CPSF4: variants seen among roughly 807,000 people sequenced by gnomAD.
CPSF4 encodes cleavage and polyadenylation specificity factor subunit 4.
Under a neutral mutation model 37.7 loss-of-function variants are expected in CPSF4, and 11 were observed. The observed-to-expected ratio is 0.29, with a 90% CI of 0.18 to 0.48. The LOEUF is 0.48. Among genes scored for constraint, CPSF4 ranks in the 20% least tolerant of loss-of-function variants. The probability of loss-of-function intolerance (pLI) is 0.99; values close to 1 mark genes in which losing one functional copy is unlikely to be tolerated. For synonymous variants in CPSF4, 132 were observed against 135.9 expected (o/e 0.97, Z 0.20); for missense variants, 144 against 359.5 (o/e 0.40, Z 4.85).
rs1009934077 is a variant in CPSF4 at position 99,456,917 on chromosome 7, T to C, written c.*417T>C. The C allele has an allele frequency of 5.7e-5, 20 of 348,278 alleles. No homozygotes were observed. In the East Asian group the frequency reaches 1.4e-3, roughly 24 times the overall value. 21.6% of individuals were successfully genotyped at this position (348,278 alleles called of 1,614,324 possible). A position where few individuals can be genotyped will look rare whatever the true frequency, so the allele number is the denominator to read the frequency against. On this transcript the variant is annotated 3_prime_UTR_variant, in exon 8 of 8. Transcript: ENST00000292476. ...AAAGCTGTGGCCAGCTCACGCCTGC[T>C]TCCTCCCTCCCTGCCCTGCTGAATC...
intron 1 of CPSF4, among the ~76,000 whole-genome samples, chr7:99,439,876 G>A (rs1381078468): frequency 6.6e-6 from 1 of 151,974 alleles, no homozygotes; most frequent in Admixed American, 6.6e-5. Flanking sequence ...TTTTTGGCCC[G>A]TCCCTACTTT....
At chr7:99,439,426 T>TCTTCCCACTCCATCCTGAGACC in intron 1 of CPSF4, 1 of 436,224 alleles carries the variant, frequency 2.3e-6, no homozygotes. Context: ...GTCCCGAGAC[T>TCTTCCCACTCCATCCTGAGACC]CTTCCCACTC....
chr7:99,448,164 T>TGTGTGCAAACACTGGCTGC lies in CPSF4; in HGVS notation c.202_220dup (p.Gly74ValfsTer16). 6.2e-7 allele frequency: 1 copy of TGTGTGCAAACACTGGCTGC among 1,614,172 alleles called. No homozygotes were observed. Among genetic ancestry groups the TGTGTGCAAACACTGGCTGC allele is most frequent in the Non-Finnish European group, 8.5e-7 (1 of 1,180,014 alleles). On this transcript the variant is annotated frameshift_variant, in exon 3 of 8. Transcript: ENST00000292476. LOFTEE classifies it high-confidence loss of function. This position sits in a 1 kb window ranked among gnomAD's most constrained non-coding sequence, Gnocchi z 4.4. ...GCCACATCAGTGGTGAGAAGACAGTTGTGTGCAAACACTGGCTGCGTGGCC... is the reference window on the plus strand; with the variant it reads ...GCCACATCAGTGGTGAGAAGACAGTTGTGTGCAAACACTGGCTGCGTGTGCAAACACTGGCTGCGTGGCC...
chr7:99,441,590 A>G, intron 1 of CPSF4: 1 of 453,298 alleles, frequency 2.2e-6, no homozygotes, highest in East Asian at 7.0e-5. Flanking sequence ...CCCATAAGGC[A>G]TACTCATCCT....
chr7:99,438,991 G>C lies in CPSF4; in HGVS notation c.-92G>C, dbSNP rs1584474630. On this transcript the variant is annotated 5_prime_UTR_variant, in exon 1 of 8. Coordinates refer to ENST00000292476, the MANE Select transcript of CPSF4 (RefSeq NM_006693.4). ...GGCGGCGGCGAGGCGAAGCGAAGGAGGAGTGTGTGCGGCGGGGCCGGCGGC... is the reference window on the plus strand; with the variant it reads ...GGCGGCGGCGAGGCGAAGCGAAGGACGAGTGTGTGCGGCGGGGCCGGCGGC... The C allele has an allele frequency of 1.4e-6, 2 of 1,384,532 alleles. No individual in the cohort carries two copies. Among genetic ancestry groups the C allele is most frequent in the East Asian group, 5.6e-5 (2 of 35,606 alleles). The allele number at this position is 1,384,532 out of a possible 1,614,324, so 85.8% of individuals were successfully genotyped here.
At chr7:99,440,699 C>T (rs1452351134) in intron 1 of CPSF4, among the ~76,000 whole-genome samples, 4 of 96,214 alleles carry the variant, frequency 4.2e-5, no homozygotes, top group Admixed American at 1.1e-4. Context: ...TTTTTCCTGC[C>T]TGTCCCACAA....
At chr7:99,442,650 C>T (rs45492098) in intron 1 of CPSF4, among the ~76,000 whole-genome samples, 7,172 of 102,346 alleles carry the variant, frequency 0.07, 444 homozygotes, top group East Asian at 0.28. Flanking sequence ...AGCGAGACTC[C>T]GTCTCAAAAA....
chr7:99,439,016 C>T lies in CPSF4; in HGVS notation c.-67C>T. 8.3e-6 allele frequency: 12 copies of T among 1,447,930 alleles called. No individual in the cohort carries two copies. The South Asian group carries it at 1.3e-4, about 15-fold the overall frequency. 89.7% of individuals were successfully genotyped at this position (1,447,930 alleles called of 1,614,324 possible). ...GGAGTGTGTGCGGCGGGGCCGGCGGCGGGTAAAGGCGAGAAGGCTGCAGGA... is the reference window on the plus strand; with the variant it reads ...GGAGTGTGTGCGGCGGGGCCGGCGGTGGGTAAAGGCGAGAAGGCTGCAGGA... On this transcript the variant is annotated 5_prime_UTR_variant, in exon 1 of 8. Transcript: ENST00000292476.
intron 1 of CPSF4, among the ~76,000 whole-genome samples, chr7:99,440,355 G>C (rs1796791534): frequency 6.6e-6 from 1 of 151,884 alleles, no homozygotes; most frequent in African/African-American, 2.4e-5. Context: ...TGTTGTTGTT[G>C]TTTGTTTGCT....
intron 1 of CPSF4, among the ~76,000 whole-genome samples, chr7:99,444,273 A>G (rs992166041): frequency 3.9e-5 from 6 of 152,164 alleles, no homozygotes; most frequent in African/African-American, 1.4e-4. Flanking sequence ...CCTGGCCAAC[A>G]TGGTGAAACC....
At position 99,444,979 on chromosome 7, in the gene CPSF4, G is replaced by C. The variant is rs573890533; in HGVS notation, c.154+140G>C. ...GATCTCTGTAGATAAAACTGGTTTG[G>C]ACAGGCTAGGACCCTGATGGGGTGT... On this transcript the variant is annotated intron_variant, in intron 2 of 7. Transcript: ENST00000292476. The C allele has an allele frequency of 1.4e-5, 10 of 720,416 alleles. No homozygotes were observed. In the African/African-American group the frequency reaches 1.6e-4, roughly 11 times the overall value. The allele number at this position is 720,416 out of a possible 1,614,324, so 44.6% of individuals were successfully genotyped here.
In CPSF4 at chr7:99,452,419, G is replaced by A; in HGVS notation, c.549G>A (p.Gln183=). 1 of 1,614,006 alleles carries A rather than the reference G, an allele frequency of 6.2e-7. No individual in the cohort carries two copies. Among genetic ancestry groups the A allele is most frequent in the South Asian group, 1.1e-5 (1 of 91,080 alleles). The change falls in exon 6 of 8, where the codon CAG becomes CAA. Residue 183 remains glutamine, a synonymous_variant. Coordinates refer to ENST00000292476, the MANE Select transcript of CPSF4 (RefSeq NM_006693.4). The part of the protein sequence containing the change: ...MGTTEQPPLP[Q]QTQPPAKQSN... ...CCACCGAGCAGCCCCCACTGCCGCA[G>A]CAGACACAGCCTCCAGCAAAGGTAC... is the stretch of plus-strand genomic sequence containing the variant.
At chr7:99,449,015 C>T (rs992601183) in intron 3 of CPSF4, 2 of 152,478 alleles carry the variant, frequency 1.3e-5, no homozygotes, top group African/African-American at 4.8e-5. Context: ...GAGATGTGCT[C>T]CCTGCTGGAA....
At chr7:99,442,318 G>A (rs959784017) in intron 1 of CPSF4, among the ~76,000 whole-genome samples, 7 of 152,268 alleles carry the variant, frequency 4.6e-5, no homozygotes, top group African/African-American at 1.4e-4. Context: ...CTGTGGGAAT[G>A]AAAGGCTGTG....
chr7:99,439,370 G>A lies in CPSF4; in HGVS notation c.103+185G>A, dbSNP rs1342574033. ...CTTGAGAGTCCCTCCCACCTCCTCC[G>A]GGTCCTGGGATCCTCCCCTTTAGTT... On this transcript the variant is annotated intron_variant, in intron 1 of 7. Transcript: ENST00000292476. 7 of 514,576 alleles carry A rather than the reference G, an allele frequency of 1.4e-5. No homozygotes were observed. The South Asian group carries it at 1.5e-4, about 11-fold the overall frequency. The allele number at this position is 514,576 out of a possible 1,614,324, so 31.9% of individuals were successfully genotyped here.
intron 2 of CPSF4, 152 bp downstream of exon 2, chr7:99,444,991 C>G (rs1397058071): frequency 2.9e-6 from 2 of 690,344 alleles, no homozygotes; most frequent in Admixed American, 5.1e-5. Flanking sequence ...CAGGCTAGGA[C>G]CCTGATGGGG....
chr7:99,444,937 G>A, intron 2 of CPSF4, 98 bp downstream of exon 2: 2 of 1,021,386 alleles, frequency 2.0e-6, no homozygotes, highest in South Asian at 1.3e-5. Flanking sequence ...GGCTTACATT[G>A]CTTTCTACAG....
intron 7 of CPSF4, among the ~76,000 whole-genome samples, chr7:99,454,787 C>T (rs973690609): frequency 2.0e-5 from 3 of 152,130 alleles, no homozygotes; most frequent in African/African-American, 7.2e-5. Flanking sequence ...TTGGTGTGTC[C>T]CTGGCACGTG....
Position 99,450,734 on chromosome 7 carries a change from G to A in CPSF4, c.436G>A (p.Val146Ile). ...CTGCAGGCACCGGCACACACGGAGA[G>A]TCATCTGTGTGAATTACCTCGTGGG... is the stretch of plus-strand genomic sequence containing the variant. The part of the protein sequence containing the change: ...PLCRHRHTRR[V>I]ICVNYLVGFC... The change falls in exon 5 of 8, where the codon GTC becomes ATC. Residue 146 changes from valine (V) to isoleucine (I), a missense_variant. Val to Ile is a conservative substitution (Grantham distance 29, BLOSUM62 3). Around this residue, in one of 4 missense-constraint regions of CPSF4, gnomAD observed 86 missense variants for 141.5 expected, o/e 0.61. Transcript: ENST00000292476. 2 of 1,614,160 alleles carry A rather than the reference G, an allele frequency of 1.2e-6. No homozygotes were observed. The highest frequency in any genetic ancestry group is 1.7e-6 in the Non-Finnish European group (2 of 1,179,976).
Sources: allele counts gnomAD v4.1 joint callset (sites outside exome capture counted in the v4.1 genomes callset), GRCh38; gene constraint gnomAD v4.1.1; regional missense constraint gnomAD v4.1.1; non-coding constraint Gnocchi (gnomAD v3.1); transcripts MANE v1.5; gene names NCBI Gene and HGNC (gene_info 2026-07-23, HGNC 2026-07-21).